Variants in CPS1 observed in about 807,000 individuals in gnomAD.
CPS1 encodes carbamoyl-phosphate synthase 1, also known as carbamoyl-phosphate synthase [ammonia], mitochondrial.
CPS1 carries 109 observed loss-of-function variants against 174.6 expected under a neutral mutation model. The ratio of observed to expected loss-of-function variants is 0.62; its 90% confidence interval spans 0.53 to 0.73. The LOEUF (loss-of-function observed/expected upper bound fraction) is 0.73. Among genes scored for constraint, CPS1 ranks in the 30% least tolerant of loss-of-function variants. CPS1 has a pLI of 0.00. For missense variants in CPS1, 1,689 were observed against 1,821.9 expected, an observed-to-expected ratio of 0.93 and a Z score of 1.33; for synonymous variants, 637 against 632.0, an observed-to-expected ratio of 1.01 and a Z score of -0.12.
intron 13 of CPS1, among the ~76,000 whole-genome samples, chr2:210,598,130 T>C (rs1698559994): frequency 1.3e-5 from 2 of 151,736 alleles, no homozygotes; most frequent in Admixed American, 1.3e-4. Context: ...GGTTAACATG[T>C]GAAGGATAAA....
Position 210,569,394 on chromosome 2 carries a change from GT to G in CPS1, c.127-3897del, listed in dbSNP as rs537524395. ...GGATTTTTAATACAAAATTTGGCAA[GT>G]TTTTTTATTGAAATTTTAATTTTTA... is the stretch of plus-strand genomic sequence containing the variant. On this transcript the variant is annotated intron_variant, in intron 1 of 37. Transcript: ENST00000233072. Among the ~76,000 whole-genome samples, 11 of 152,108 alleles carry G rather than the reference GT, an allele frequency of 7.2e-5. No individual in the cohort carries two copies. The East Asian group carries it at 2.1e-3, about 29-fold the overall frequency.
intron 21 of CPS1, among the ~76,000 whole-genome samples, chr2:210,621,187 G>T (rs1699514766): frequency 6.6e-6 from 1 of 152,114 alleles, no homozygotes; most frequent in South Asian, 2.1e-4. Flanking sequence ...GGCTGGTGTA[G>T]TAGCATTAAC....
chr2:210,541,395 C>T lies in CPS1; in HGVS notation c.4-15324C>T, dbSNP rs180706827. Among the ~76,000 whole-genome samples the T allele has an allele frequency of 1.3e-4, 20 of 152,304 alleles. No homozygotes were observed. In the East Asian group the frequency reaches 3.9e-3, roughly 29 times the overall value. On this transcript the variant is annotated intron_variant, in intron 1 of 38. Coordinates refer to the CPS1 transcript ENST00000430249. ...GCAGCACTGGCTTCAGCCTGAGGCA[C>T]ATCTCTGGCTGCTCCTTTCTATCTA... is the stretch of plus-strand genomic sequence containing the variant.
chr2:210,595,433 C>T, intron 12 of CPS1, 54 bp from the exon 13 acceptor site: 4 of 1,272,210 alleles, frequency 3.1e-6, no homozygotes, highest in East Asian at 2.3e-5. Flanking sequence ...TTGAAAATGC[C>T]TTATTTCCCC....
chr2:210,581,643 TG>T (rs1471748152), intron 5 of CPS1, among the ~76,000 whole-genome samples: 1 of 152,306 alleles, frequency 6.6e-6, no homozygotes, highest in East Asian at 1.9e-4. Flanking sequence ...TAATCTACTA[TG>T]GAAGTGAAAG....
intron 1 of CPS1, among the ~76,000 whole-genome samples, chr2:210,527,136 A>G (rs1325377723): frequency 6.6e-6 from 1 of 151,704 alleles, no homozygotes; most frequent in African/African-American, 2.4e-5. Flanking sequence ...CCTTTCCTTT[A>G]ATAATACTTT....
chr2:210,665,473 C>G (rs1054092890), intron 33 of CPS1, among the ~76,000 whole-genome samples: 2 of 129,980 alleles, frequency 1.5e-5, no homozygotes, highest in African/African-American at 5.7e-5. Flanking sequence ...TATCCCTCCC[C>G]CCTCCCCCCA....
chr2:210,512,851 T>TATATATATAGATATATATATATAGAG lies in CPS1; in HGVS notation c.3+35094_3+35095insGATATATATATATAGAGATATATATA, dbSNP rs2105977522. Among the ~76,000 whole-genome samples the TATATATATAGATATATATATATAGAG allele has an allele frequency of 3.3e-5, 2 of 60,346 alleles. 1 individual carries two copies. Among genetic ancestry groups the TATATATATAGATATATATATATAGAG allele is most frequent in the African/African-American group, 1.3e-4 (2 of 14,940 alleles). The allele number at this position is 60,346 out of a possible 152,430, so 39.6% of individuals were successfully genotyped here. A position where few individuals can be genotyped will look rare whatever the true frequency, so the allele number is the denominator to read the frequency against. ...ATATGGAGATATACATATATGGAGA[T>TATATATATAGATATATATATATAGAG]ATATATATATAGATATATATATATA... On this transcript the variant is annotated intron_variant, in intron 1 of 38. Transcript: ENST00000430249.
At chr2:210,629,695 A>G (rs2105885617) in intron 21 of CPS1, among the ~76,000 whole-genome samples, 1 of 152,042 alleles carries the variant, frequency 6.6e-6, no homozygotes, top group Non-Finnish European at 1.5e-5. Flanking sequence ...CTTGGTAAAG[A>G]CGAATGGTAA....
chr2:210,513,168 G>GGA (rs1176961342), intron 1 of CPS1, among the ~76,000 whole-genome samples: 10 of 142,498 alleles, frequency 7.0e-5, no homozygotes, highest in Non-Finnish European at 9.2e-5. Context: ...ATATATGTAT[G>GGA]GATATATATA....
At chr2:210,610,116 G>T (rs76173090) in intron 19 of CPS1, among the ~76,000 whole-genome samples, 1 of 151,770 alleles carries the variant, frequency 6.6e-6, no homozygotes, top group African/African-American at 2.4e-5. Context: ...GAAATAGAAC[G>T]CAAATACCAT....
intron 1 of CPS1, among the ~76,000 whole-genome samples, chr2:210,532,853 G>A (rs1457229681): frequency 2.0e-5 from 3 of 152,134 alleles, no homozygotes; most frequent in Non-Finnish European, 4.4e-5. Context: ...ATTTTTTAAA[G>A]TTTTGATAGG....
In CPS1 at chr2:210,612,296, A is replaced by C. The variant is rs1559106529; in HGVS notation, c.2568+3A>C. On this transcript the variant is annotated splice_donor_region_variant and intron_variant, in intron 20 of 37. Coordinates refer to ENST00000233072, the MANE Select transcript of CPS1 (RefSeq NM_001875.5). ...CGCGTATCTATGCCATTGCCAAGGT[A>C]AGATGTTACAAGGGGCCCACAGCTA... 6.2e-7 allele frequency: 1 copy of C among 1,611,716 alleles called. No homozygotes were observed. Among genetic ancestry groups the C allele is most frequent in the Admixed American group, 1.7e-5 (1 of 59,806 alleles).
At chr2:210,578,709 A>C (rs1356299751) in intron 4 of CPS1, among the ~76,000 whole-genome samples, 2 of 152,178 alleles carry the variant, frequency 1.3e-5, no homozygotes, top group Non-Finnish European at 2.9e-5. Flanking sequence ...AGGCATCCAT[A>C]TCATATCCTG....
intron 1 of CPS1, among the ~76,000 whole-genome samples, chr2:210,560,314 T>A (rs1027519090): frequency 2.0e-5 from 3 of 151,930 alleles, no homozygotes; most frequent in Non-Finnish European, 4.4e-5. Context: ...ATCATAAGAG[T>A]ATAGTCTCTG....
chr2:210,657,337 G>T, intron 30 of CPS1: 1 of 148,778 alleles, frequency 6.7e-6, no homozygotes, highest in Non-Finnish European at 1.5e-5. Context: ...TGGAGACGGA[G>T]TCTCGCTCTT....
chr2:210,660,688 T>C (rs1225899472), intron 32 of CPS1, 33 bp downstream of exon 32: 1 of 1,579,408 alleles, frequency 6.3e-7, no homozygotes. Flanking sequence ...AGTCATTTTA[T>C]GAGTTCTAGT....
chr2:210,504,909 GGAC>G (rs995816021), intron 1 of CPS1, among the ~76,000 whole-genome samples: 9 of 152,140 alleles, frequency 5.9e-5, no homozygotes, highest in African/African-American at 2.2e-4. Context: ...ACAATTGGGA[GGAC>G]GACCTACTTT....
In CPS1 at chr2:210,668,470, C is replaced by A. The variant is rs568222403; in HGVS notation, c.4101+186C>A. On this transcript the variant is annotated intron_variant, in intron 34 of 37. Coordinates refer to ENST00000233072, the MANE Select transcript of CPS1 (RefSeq NM_001875.5). ...CTGATTTTGCCTTCTGTTGTATCAG[C>A]CCGTGCAAAAATAAAATACAGACAG... Among the ~76,000 whole-genome samples, 7 of 152,196 alleles carry A rather than the reference C, an allele frequency of 4.6e-5. No homozygotes were observed. The South Asian group carries it at 1.5e-3, about 32-fold the overall frequency.
Sources: gnomAD v4.1 joint callset for allele counts (sites outside exome capture counted in the v4.1 genomes callset) on GRCh38, gnomAD v4.1.1 for gene constraint, MANE v1.5 for transcripts, NCBI Gene and HGNC (gene_info 2026-07-23, HGNC 2026-07-21) for gene names.